The following BCR variants were observed in gnomAD, a reference collection of about 807,000 sequenced individuals.
BCR encodes the protein breakpoint cluster region protein.
BCR carries 58 observed loss-of-function variants against 138.6 expected under a neutral mutation model. That is an observed-to-expected ratio of 0.42 (90% CI 0.34 to 0.52). BCR has a LOEUF of 0.52. Ranked by LOEUF, BCR falls within the 20% of genes least tolerant of loss-of-function variation. The pLI, the probability that BCR is intolerant of heterozygous loss-of-function variation, is 0.06. For missense variants in BCR, 1,599 were observed against 1,727.2 expected, an observed-to-expected ratio of 0.93 and a Z score of 1.32; for synonymous variants, 786 against 730.1, an observed-to-expected ratio of 1.08 and a Z score of -1.23.
chr22:23,203,023 GTC>G (rs1452204245), intron 1 of BCR, among the ~76,000 whole-genome samples: 1 of 152,046 alleles, frequency 6.6e-6, no homozygotes, highest in Admixed American at 6.6e-5. Context: ...ACACTCATCT[GTC>G]GTTTTTTTTC....
chr22:23,259,431 T>C (rs527587056), intron 2 of BCR, among the ~76,000 whole-genome samples: 58 of 152,284 alleles, frequency 3.8e-4, no homozygotes, highest in African/African-American at 1.4e-3. Flanking sequence ...CTCTGGGAGT[T>C]TGAGGTAGAA....
At chr22:23,205,641 A>G (rs991910653) in intron 1 of BCR, among the ~76,000 whole-genome samples, 1 of 137,960 alleles carries the variant, frequency 7.2e-6, no homozygotes, top group African/African-American at 3.0e-5. Flanking sequence ...TTGAACCAAT[A>G]ATTTTTTTTT....
intron 1 of BCR, among the ~76,000 whole-genome samples, chr22:23,213,714 T>C (rs5996491): frequency 0.071 from 10,738 of 151,992 alleles, 1,263 homozygotes; most frequent in African/African-American, 0.24. Context: ...CCTGTAGTCC[T>C]AGCTACTCAG....
At chr22:23,290,690 T>TA (rs771238661) in intron 14 of BCR, 91 of 458,344 alleles carry the variant, frequency 2.0e-4, no homozygotes, top group Non-Finnish European at 3.3e-4. Context: ...TGCAGGGGTT[T>TA]GGCAAGGACT....
intron 5 of BCR, among the ~76,000 whole-genome samples, chr22:23,270,527 T>C (rs951247626): frequency 2.0e-5 from 3 of 152,140 alleles, no homozygotes; most frequent in Admixed American, 2.0e-4. Context: ...CCTTACACCC[T>C]TTGGGAACTG....
At position 23,292,607 on chromosome 22, in the gene BCR, A is replaced by G. The variant is rs1257149922; in HGVS notation, c.2849A>G (p.Tyr950Cys). Residue 950 changes from tyrosine to cysteine, a missense_variant, in exon 15 of 23, where the codon TAC becomes TGC. By Grantham distance (194) the Tyr-to-Cys change is radical. This residue lies in a region of BCR where 590 missense variants were observed against 762.4 expected (regional missense o/e 0.77). Transcript: ENST00000305877. ...YFVNKAKTRV[Y>C]RDTAEPNWNE... is the part of the protein sequence containing the mutation. The stretch of plus-strand genomic sequence containing the variant: ...GTGAATAAAGCAAAGACGCGCGTCT[A>G]CAGGGACACAGCTGAGCCAAACTGG... The G allele has an allele frequency of 2.5e-6, 4 of 1,613,188 alleles. No homozygotes were observed. Among genetic ancestry groups the G allele is most frequent in the Non-Finnish European group, 2.5e-6 (3 of 1,179,386 alleles).
At chr22:23,217,278 G>C (rs1298161146) in intron 1 of BCR, among the ~76,000 whole-genome samples, 1 of 152,256 alleles carries the variant, frequency 6.6e-6, no homozygotes, top group African/African-American at 2.4e-5. Context: ...CCTAGTTCAA[G>C]ATTGCTGGGG....
Position 23,287,085 on chromosome 22 carries a change from G to A in BCR, c.2407-74G>A, listed in dbSNP as rs529176118. On this transcript the variant is annotated intron_variant, in intron 10 of 22. Transcript: ENST00000305877. ...CTGCAGGCTGAATGCAGCTGGTGGT[G>A]GGGATGGATGGAATGGGAGTGGGTT... The A allele has an allele frequency of 3.2e-6, 5 of 1,549,532 alleles. No individual in the cohort carries two copies. In the East Asian group the frequency reaches 9.7e-5, roughly 30 times the overall value.
chr22:23,250,488 CA>C (rs1568954745), intron 1 of BCR, among the ~76,000 whole-genome samples: 1 of 152,148 alleles, frequency 6.6e-6, no homozygotes, highest in Non-Finnish European at 1.5e-5. Flanking sequence ...CTGGCCCGAC[CA>C]AAAACAAAAC....
chr22:23,181,521 C>T lies in BCR; in HGVS notation c.561C>T (p.Gly187=). The T allele has an allele frequency of 5.0e-6, 8 of 1,612,832 alleles. No homozygotes were observed. The highest frequency in any genetic ancestry group is 2.2e-5 in the South Asian group (2 of 91,082). The change falls in exon 1 of 23, where the codon GGC becomes GGT. Residue 187 remains glycine, a synonymous_variant. Coordinates refer to ENST00000305877, the MANE Select transcript of BCR (RefSeq NM_004327.4). ...YVNVEFHHER[G]LVKVNDKEVS... Reference sequence around the variant, plus strand: ...ACGTCGAGTTTCACCACGAGCGCGGCCTGGTGAAGGTCAACGACAAAGAGG... The same window carrying T: ...ACGTCGAGTTTCACCACGAGCGCGGTCTGGTGAAGGTCAACGACAAAGAGG...
At chr22:23,300,766 T>TCCAG (rs976529931) in intron 16 of BCR, among the ~76,000 whole-genome samples, 13 of 152,044 alleles carry the variant, frequency 8.6e-5, no homozygotes, top group Non-Finnish European at 1.0e-4. Flanking sequence ...TCTGGGAAAC[T>TCCAG]CCAGCCAGCC....
At position 23,218,588 on chromosome 22, in the gene BCR, G is replaced by C. The variant is rs186231200; in HGVS notation, c.1280-35211G>C. Among the ~76,000 whole-genome samples the C allele has an allele frequency of 1.1e-3, 175 of 152,348 alleles. 1 individual carries two copies. Among genetic ancestry groups the C allele is most frequent in the African/African-American group, 4.0e-3 (168 of 41,580 alleles). On this transcript the variant is annotated intron_variant, in intron 1 of 22. Coordinates refer to ENST00000305877, the MANE Select transcript of BCR (RefSeq NM_004327.4). Reference sequence around the variant, plus strand: ...GCCTGCTCAGTGGCAGGGTGCGGAGGTGAGGCTGGTGGCTGTTCTTCAGCT... The same window carrying C: ...GCCTGCTCAGTGGCAGGGTGCGGAGCTGAGGCTGGTGGCTGTTCTTCAGCT...
intron 2 of BCR, among the ~76,000 whole-genome samples, chr22:23,260,659 G>C (rs1407059255): frequency 6.6e-6 from 1 of 152,222 alleles, no homozygotes; most frequent in African/African-American, 2.4e-5. Flanking sequence ...AAGCGTGGAG[G>C]GAGGCCTGGC....
At position 23,295,071 on chromosome 22, in the gene BCR, C is replaced by T. The variant is rs2073830178; in HGVS notation, c.2928C>T (p.Cys976=). Residue 976 remains cysteine (C), a synonymous_variant, in exon 16 of 23, where the codon TGC becomes TGT. Coordinates refer to ENST00000305877, the MANE Select transcript of BCR (RefSeq NM_004327.4). ...GCTCCCAGACCCTGAGGATACTGTG[C>T]TATGAAAAGTGTTACAACAAGACGA... ...LEGSQTLRIL[C]YEKCYNKTKI... 2 of 1,614,050 alleles carry T rather than the reference C, an allele frequency of 1.2e-6. No homozygotes were observed.
chr22:23,307,066 C>T (rs1162988955), intron 16 of BCR, among the ~76,000 whole-genome samples: 5 of 152,320 alleles, frequency 3.3e-5, no homozygotes, highest in South Asian at 2.1e-4. Flanking sequence ...AAGAATGTCT[C>T]CTGCTTAACA....
At chr22:23,232,772 C>T (rs138526485) in intron 1 of BCR, among the ~76,000 whole-genome samples, 128 of 152,308 alleles carry the variant, frequency 8.4e-4, no homozygotes, top group Middle Eastern at 6.8e-3. Context: ...GCTGCCGTGT[C>T]GCATTCATGT....
At chr22:23,242,881 G>A (rs1286172585) in intron 1 of BCR, 2 of 455,804 alleles carry the variant, frequency 4.4e-6, no homozygotes, top group Admixed American at 4.7e-5. Context: ...GAGGCTCTAG[G>A]GGAGGATCCT....
At chr22:23,258,327 A>T (rs1336769372) in intron 2 of BCR, among the ~76,000 whole-genome samples, 2 of 152,066 alleles carry the variant, frequency 1.3e-5, no homozygotes, top group Non-Finnish European at 2.9e-5. Context: ...CAGGGACTCA[A>T]ATGGGGCACA....
intron 1 of BCR, among the ~76,000 whole-genome samples, chr22:23,206,525 C>T (rs954297388): frequency 6.7e-6 from 1 of 149,308 alleles, no homozygotes; most frequent in Non-Finnish European, 1.5e-5. Flanking sequence ...TGCAGTGAGC[C>T]GAGATTGTGC....
Sources: gnomAD v4.1 joint callset for allele counts (sites outside exome capture counted in the v4.1 genomes callset) on GRCh38, gnomAD v4.1.1 for gene constraint, gnomAD v4.1.1 regional missense constraint, MANE v1.5 for transcripts, NCBI Gene and HGNC (gene_info 2026-07-23, HGNC 2026-07-21) for gene names.